Variants in ICMT observed in about 807,000 individuals in gnomAD.
ICMT encodes protein-S-isoprenylcysteine O-methyltransferase.
ICMT carries 10 observed loss-of-function variants against 32.2 expected under a neutral mutation model. The observed-to-expected ratio is 0.31, with a 90% CI of 0.19 to 0.53. The LOEUF (loss-of-function observed/expected upper bound fraction) is 0.53, where lower values mean the gene tolerates loss of function less well. ICMT is among the 20% of genes least tolerant of loss of function. ICMT has a pLI of 0.96. For missense variants in ICMT, 265 were observed against 356.9 expected, an observed-to-expected ratio of 0.74 and a Z score of 2.07; for synonymous variants, 183 against 158.2, an observed-to-expected ratio of 1.16 and a Z score of -1.18.
chr1:6,235,673 G>C (rs1668812419), intron 1 of ICMT, 44 bp downstream of exon 1: 2 of 1,131,750 alleles, frequency 1.8e-6, no homozygotes, highest in Middle Eastern at 3.7e-4. Context: ...CAAGCGGACC[G>C]CCGCCCGCCC....
Position 6,223,629 on chromosome 1 carries a change from C to T in ICMT, c.*1451G>A, listed in dbSNP as rs1668596116. On this transcript the variant is annotated 3_prime_UTR_variant, in exon 5 of 5. Coordinates refer to ENST00000343813, the MANE Select transcript of ICMT (RefSeq NM_012405.4). ...ACAGATTTCATTGATGTCGCTCCCA[C>T]ATCTGAGTATTAAAAACATTTGACA... The T allele has an allele frequency of 6.6e-6, 1 of 152,224 alleles. No homozygotes were observed. The highest frequency in any genetic ancestry group is 2.4e-5 in the African/African-American group (1 of 41,460). The allele number at this position is 152,224 out of a possible 1,614,324, so 9.4% of individuals were successfully genotyped here.
chr1:6,235,274 TAC>T (rs901445349), intron 1 of ICMT, among the ~76,000 whole-genome samples: 1 of 152,224 alleles, frequency 6.6e-6, no homozygotes, highest in Non-Finnish European at 1.5e-5. Flanking sequence ...GACTAACTGC[TAC>T]CTACATTTTA....
At chr1:6,227,813 G>A (rs979664855) in intron 4 of ICMT, among the ~76,000 whole-genome samples, 1 of 151,634 alleles carries the variant, frequency 6.6e-6, no homozygotes, top group African/African-American at 2.4e-5. Context: ...CCGAGATTGC[G>A]CCACTGCACT....
rs35465282 is a variant in ICMT, at chr1:6,232,010, C to T, written c.564G>A (p.Val188=). The change falls in exon 4 of 5, where the codon GTG becomes GTA. Residue 188 remains valine, a synonymous_variant. Transcript: ENST00000343813. ...GTGTATCTGATTTTTCATTCTGTACCACGTGGTTGAAATTGGAGCCAGCTG... is the reference window on the plus strand; with the variant it reads ...GTGTATCTGATTTTTCATTCTGTACTACGTGGTTGAAATTGGAGCCAGCTG... ...MFTAGSNFNH[V]VQNEKSDTHT... The T allele has an allele frequency of 4.1e-3, 6,552 of 1,614,058 alleles. 224 individuals carry two copies. The African/African-American group carries it at 0.075, about 19-fold the overall frequency.
intron 4 of ICMT, among the ~76,000 whole-genome samples, chr1:6,226,233 C>CA (rs911588070): frequency 6.6e-6 from 1 of 151,912 alleles, no homozygotes; most frequent in Non-Finnish European, 1.5e-5. Flanking sequence ...CCGTCTCTAC[C>CA]AAAAATAGAA....
chr1:6,227,999 C>T (rs1170895448), intron 4 of ICMT, among the ~76,000 whole-genome samples: 1 of 152,094 alleles, frequency 6.6e-6, no homozygotes, highest in African/African-American at 2.4e-5. Flanking sequence ...GACCCCATCT[C>T]TACAAAAAAC....
chr1:6,231,214 G>T (rs1668731414), intron 4 of ICMT, among the ~76,000 whole-genome samples: 1 of 151,798 alleles, frequency 6.6e-6, no homozygotes, highest in Admixed American at 6.6e-5. Context: ...ACGAAACAAG[G>T]CCTTTTCTTC....
intron 1 of ICMT, 54 bp from the exon 2 acceptor site, chr1:6,235,028 T>G: frequency 6.9e-7 from 1 of 1,457,154 alleles, no homozygotes; most frequent in South Asian, 1.1e-5. Flanking sequence ...AGTACAGATC[T>G]GGGCTGCTGA....
At chr1:6,229,032 CAAA>C (rs70981315) in intron 4 of ICMT, among the ~76,000 whole-genome samples, 1 of 117,672 alleles carries the variant, frequency 8.5e-6, no homozygotes, top group Admixed American at 9.1e-5. Flanking sequence ...GACTCTGTCT[CAAA>C]AAAAAAAAAG....
At chr1:6,230,477 T>G (rs147887692) in intron 4 of ICMT, among the ~76,000 whole-genome samples, 1,967 of 151,700 alleles carry the variant, frequency 0.013, 51 homozygotes, top group African/African-American at 0.044. Flanking sequence ...TTCCAGCTAC[T>G]TGGGAGGCTG....
rs1668559519 is a variant in ICMT at position 6,221,888 on chromosome 1, A to C, written c.*3192T>G. Reference sequence around the variant, plus strand: ...TTCCAGGTAGCTTTGTTCTGACAGTACCTATTTTCCACTTCAGAATCTCCA... The same window carrying C: ...TTCCAGGTAGCTTTGTTCTGACAGTCCCTATTTTCCACTTCAGAATCTCCA... On this transcript the variant is annotated 3_prime_UTR_variant, in exon 5 of 5. Transcript: ENST00000343813. 6.6e-6 allele frequency: 1 copy of C among 152,186 alleles called. No individual in the cohort carries two copies. Among genetic ancestry groups the C allele is most frequent in the Non-Finnish European group, 1.5e-5 (1 of 68,038 alleles). The allele number at this position is 152,186 out of a possible 1,614,324, so 9.4% of individuals were successfully genotyped here. A position where few individuals can be genotyped will look rare whatever the true frequency, so the allele number is the denominator to read the frequency against.
In ICMT at chr1:6,235,821, G is replaced by T; in HGVS notation, c.91C>A (p.Pro31Thr). Residue 31 changes from proline to threonine, a missense_variant, in exon 1 of 5, where the codon CCG (proline) becomes ACG (threonine). Pro to Thr is a conservative substitution (Grantham distance 38). Coordinates refer to ENST00000343813, the MANE Select transcript of ICMT (RefSeq NM_012405.4). ...TGCAGGCCGGCGCGCGTGAGCAGCG[G>T]CAGCGCGAGCACCGAGGCGCCCAGC... ...FLLGASVLAL[P>T]LLTRAGLQGR... 1 of 1,311,724 alleles carries T rather than the reference G, an allele frequency of 7.6e-7. No individual in the cohort carries two copies. Among genetic ancestry groups the T allele is most frequent in the Non-Finnish European group, 9.8e-7 (1 of 1,020,792 alleles). The allele number at this position is 1,311,724 out of a possible 1,614,324, so 81.3% of individuals were successfully genotyped here.
At chr1:6,234,558 C>A (rs1217258471) in intron 2 of ICMT, 3 of 480,822 alleles carry the variant, frequency 6.2e-6, no homozygotes, top group South Asian at 4.7e-5. Context: ...CAAGCCAGAG[C>A]CCTGCCCCTG....
intron 3 of ICMT, 114 bp from the exon 4 acceptor site, chr1:6,232,233 G>T: frequency 1.4e-6 from 1 of 699,678 alleles, no homozygotes; most frequent in Non-Finnish European, 2.4e-6. Context: ...AAAATGTGCT[G>T]CTGGGCAATC....
chr1:6,225,360 C>T, intron 4 of ICMT, 98 bp from the exon 5 acceptor site: 1 of 1,201,500 alleles, frequency 8.3e-7, no homozygotes, highest in East Asian at 2.3e-5. Context: ...ATTTCTGTGC[C>T]CATGCCCTGC....
chr1:6,227,366 T>C (rs1180132407), intron 4 of ICMT, among the ~76,000 whole-genome samples: 2 of 152,214 alleles, frequency 1.3e-5, no homozygotes, highest in Non-Finnish European at 2.9e-5. Flanking sequence ...ATGTGATCAT[T>C]TGCCCCACCT....
rs375494356 is a variant in ICMT, at chr1:6,231,883, G to A, written c.672+19C>T. Reference sequence around the variant, plus strand: ...TAAAAAAAAAAAAAAGAAAAGCAGTGTCATATTTAATATTATACCTGAGTT... The same window carrying A: ...TAAAAAAAAAAAAAAGAAAAGCAGTATCATATTTAATATTATACCTGAGTT... On this transcript the variant is annotated intron_variant, in intron 4 of 4. Transcript: ENST00000343813. 7.3e-6 allele frequency: 10 copies of A among 1,372,806 alleles called. No homozygotes were observed. The African/African-American group carries it at 8.8e-5, about 12-fold the overall frequency. 85.0% of individuals were successfully genotyped at this position (1,372,806 alleles called of 1,614,324 possible).
rs1250288820 is a variant in ICMT, at chr1:6,224,737, C to T, written c.*343G>A. On this transcript the variant is annotated 3_prime_UTR_variant, in exon 5 of 5. Transcript: ENST00000343813. ...TGAGGACAGAGTCCATCTCTCCCAG[C>T]GAGTCCTGGTTATCCTTTACTTACA... 5 of 233,948 alleles carry T rather than the reference C, an allele frequency of 2.1e-5. No homozygotes were observed. Among genetic ancestry groups the T allele is most frequent in the Admixed American group, 5.6e-5 (1 of 17,982 alleles). The allele number at this position is 233,948 out of a possible 1,614,324, so 14.5% of individuals were successfully genotyped here. A position where few individuals can be genotyped will look rare whatever the true frequency, so the allele number is the denominator to read the frequency against.
chr1:6,234,973 A>C lies in ICMT; in HGVS notation c.197T>G (p.Ile66Arg). The change falls in exon 2 of 5, where the codon ATA (isoleucine) becomes AGA (arginine). Residue 66 changes from isoleucine (I) to arginine (R), a missense_variant and splice_region_variant. Ile to Arg is a moderately conservative substitution (Grantham distance 97). Coordinates refer to ENST00000343813, the MANE Select transcript of ICMT (RefSeq NM_012405.4). ...LLLYRPPRYQIAIRACFLGFV... is the reference protein window; with the variant it reads ...LLLYRPPRYQRAIRACFLGFV... ...CCCCAGGAAACAAGCTCGGATGGCT[A>C]TCTGAAAGGAACCCAAGAGAAGCTC... is the stretch of plus-strand genomic sequence containing the variant. 1 of 1,613,112 alleles carries C rather than the reference A, an allele frequency of 6.2e-7. No homozygotes were observed. Among genetic ancestry groups the C allele is most frequent in the South Asian group, 1.1e-5 (1 of 91,062 alleles).
Sources: allele counts gnomAD v4.1 joint callset (sites outside exome capture counted in the v4.1 genomes callset), GRCh38; gene constraint gnomAD v4.1.1; transcripts MANE v1.5; gene names NCBI Gene and HGNC (gene_info 2026-07-23, HGNC 2026-07-21).